Variants in TENM3 observed in about 807,000 individuals in gnomAD.
TENM3 encodes teneurin-3.
TENM3 carries 63 observed loss-of-function variants against 255.1 expected under a neutral mutation model. The ratio of observed to expected loss-of-function variants is 0.25; its 90% CI spans 0.20 to 0.30. The LOEUF (loss-of-function observed/expected upper bound fraction) is 0.30. TENM3 is among the 10% of genes least tolerant of loss of function. The pLI is 1.00. For synonymous variants in TENM3, 1,306 were observed against 1,322.3 expected, an observed-to-expected ratio of 0.99 and a Z score of 0.27; for missense variants, 2,929 against 3,461.1, an observed-to-expected ratio of 0.85 and a Z score of 3.86.
chr4:182,597,008 C>CT (rs879474139), intron 3 of TENM3, among the ~76,000 whole-genome samples: 5 of 152,182 alleles, frequency 3.3e-5, no homozygotes, highest in Non-Finnish European at 7.3e-5. Context: ...TCCTTAAACA[C>CT]TTTTATAGTC....
At chr4:182,427,198 T>G (rs1771287729) in intron 3 of TENM3, among the ~76,000 whole-genome samples, 1 of 152,154 alleles carries the variant, frequency 6.6e-6, no homozygotes, top group Non-Finnish European at 1.5e-5. Flanking sequence ...AAATCTGTGT[T>G]GTTACTTTTG....
At chr4:182,100,788 T>C in the TENM3 span, among the ~76,000 whole-genome samples, 7 of 2,148 alleles carry the variant, frequency 3.3e-3, 1 homozygote, top group Non-Finnish European at 0.014. Flanking sequence ...TATATACACA[T>C]ATATATACAC....
In TENM3 at chr4:182,673,035, A is replaced by G. The variant is rs1755351479; in HGVS notation, c.1142A>G (p.Asn381Ser). The change falls in exon 7 of 28, where the codon AAC becomes AGC. Residue 381 changes from asparagine to serine, a missense_variant. Transcript: ENST00000511685. ...GKLGGFTQENNTIDSGELDIG... is the reference protein window; with the variant it reads ...GKLGGFTQENSTIDSGELDIG... Reference sequence around the variant, plus strand: ...TTAGGTGGATTTACGCAAGAAAATAACACCATAGATTCCGGAGAACTTGAT... The same window carrying G: ...TTAGGTGGATTTACGCAAGAAAATAGCACCATAGATTCCGGAGAACTTGAT... 6.3e-7 allele frequency: 1 copy of G among 1,599,640 alleles called. No homozygotes were observed.
intron 3 of TENM3, among the ~76,000 whole-genome samples, chr4:182,450,565 C>A (rs1200209638): frequency 6.6e-6 from 1 of 152,174 alleles, no homozygotes; most frequent in Non-Finnish European, 1.5e-5. Flanking sequence ...AATTTGAGAT[C>A]CGCTATAAAG....
At chr4:182,562,379 G>A (rs1209569190) in intron 3 of TENM3, among the ~76,000 whole-genome samples, 2 of 152,120 alleles carry the variant, frequency 1.3e-5, no homozygotes, top group Non-Finnish European at 2.9e-5. Flanking sequence ...ATATGTTGAA[G>A]TCCTACCCAC....
In TENM3 at chr4:182,754,930, C is replaced by G. The variant is rs750799581; in HGVS notation, c.4563C>G (p.Leu1521=). 10 of 1,614,046 alleles carry G rather than the reference C, an allele frequency of 6.2e-6. No individual in the cohort carries two copies. The highest frequency in any genetic ancestry group is 6.8e-6 in the Non-Finnish European group (8 of 1,179,894). The change falls in exon 22 of 28, where the codon CTC becomes CTG. Residue 1521 remains leucine, a synonymous_variant. Coordinates refer to ENST00000511685, the MANE Select transcript of TENM3 (RefSeq NM_001080477.4). This position sits in a 1 kb window ranked among gnomAD's most constrained non-coding sequence, Gnocchi z 5.1. ...TTGCGTCTCCAACTGATCAAGAACT[C>G]TACATCTTTGACATCAATGGTACTC... The part of the protein sequence containing the change: ...YEVASPTDQE[L]YIFDINGTHQ...
chr4:182,000,109 G>A, the TENM3 span, among the ~76,000 whole-genome samples: 1 of 151,916 alleles, frequency 6.6e-6, no homozygotes, highest in Admixed American at 6.6e-5. Flanking sequence ...CATATCAACT[G>A]GTTTTATTGT....
intron 4 of TENM3, among the ~76,000 whole-genome samples, chr4:182,603,784 T>TATATATATAG (rs58332965): frequency 3.7e-5 from 5 of 134,162 alleles, no homozygotes; most frequent in Admixed American, 7.6e-5. Flanking sequence ...TATATATATA[T>TATATATATAG]ACACACACAC....
Position 182,412,287 on chromosome 4 carries a change from A to G in TENM3, c.511+65358A>G, listed in dbSNP as rs565545806. 1.6e-4 allele frequency among the ~76,000 whole-genome samples: 25 copies of G among 152,222 alleles called. 1 individual carries two copies. In the South Asian group the frequency reaches 5.0e-3, roughly 30 times the overall value. ...AACGAGAGCTTCAAGGTGCCAATAC[A>G]AGATCTGGTTCTGGGATTGGGGTGC... On this transcript the variant is annotated intron_variant, in intron 3 of 27. Coordinates refer to ENST00000511685, the MANE Select transcript of TENM3 (RefSeq NM_001080477.4).
At chr4:181,994,935 C>G in the TENM3 span, among the ~76,000 whole-genome samples, 2,130 of 152,100 alleles carry the variant, frequency 0.014, 65 homozygotes, top group African/African-American at 0.048. Context: ...TAAAGCAGAG[C>G]GATTACGATT....
At chr4:181,455,226 G>T in the TENM3 span, among the ~76,000 whole-genome samples, 46 of 152,104 alleles carry the variant, frequency 3.0e-4, no homozygotes, top group Non-Finnish European at 5.4e-4. Flanking sequence ...GAGGCAGCCT[G>T]TTAATCTAGA....
intron 3 of TENM3, among the ~76,000 whole-genome samples, chr4:182,374,036 A>G (rs991588943): frequency 1.5e-5 from 2 of 135,098 alleles, no homozygotes; most frequent in Non-Finnish European, 3.1e-5. Flanking sequence ...TGTGTATAGT[A>G]TATATATATA....
chr4:182,328,849 C>A, intron 2 of TENM3, among the ~76,000 whole-genome samples: 1 of 152,100 alleles, frequency 6.6e-6, no homozygotes, highest in Non-Finnish European at 1.5e-5. Context: ...TTGGGGGATC[C>A]CACTGGGGAG....
In TENM3 at chr4:182,273,123, C is replaced by T. The variant is rs1433756678; in HGVS notation, c.-76+29647C>T. On this transcript the variant is annotated intron_variant, in intron 1 of 27. Transcript: ENST00000511685. ...TTAATATCCTCTGGTGGAAACAGACCAATCTTCCAGACATAATCATAACAA... is the reference window on the plus strand; with the variant it reads ...TTAATATCCTCTGGTGGAAACAGACTAATCTTCCAGACATAATCATAACAA... Among the ~76,000 whole-genome samples the T allele has an allele frequency of 2.6e-5, 4 of 152,244 alleles. No homozygotes were observed. In the East Asian group the frequency reaches 7.7e-4, roughly 29 times the overall value.
chr4:181,662,023 C>A, the TENM3 span, among the ~76,000 whole-genome samples: 1 of 152,116 alleles, frequency 6.6e-6, no homozygotes. Flanking sequence ...GTAGTAACAT[C>A]ACTTCTTTTT....
At chr4:182,032,033 A>G in the TENM3 span, among the ~76,000 whole-genome samples, 1 of 152,170 alleles carries the variant, frequency 6.6e-6, no homozygotes, top group South Asian at 2.1e-4. Flanking sequence ...TCCTATCTGA[A>G]CACCCTTTAT....
intron 3 of TENM3, among the ~76,000 whole-genome samples, chr4:182,434,736 C>A (rs1004323066): frequency 2.0e-5 from 3 of 151,870 alleles, no homozygotes; most frequent in Admixed American, 2.0e-4. Context: ...AGATTATTAT[C>A]AGGGTATATT....
At position 182,751,877 on chromosome 4, in the gene TENM3, G is replaced by A. The variant is rs367732296; in HGVS notation, c.3707G>A (p.Arg1236His). 79 of 1,613,626 alleles carry A rather than the reference G, an allele frequency of 4.9e-5. No individual in the cohort carries two copies. In the African/African-American group the frequency reaches 4.9e-4, roughly 10 times the overall value. ...GDLYVSDTNTRRIYRPKSLTG... is the reference protein window; with the variant it reads ...GDLYVSDTNTHRIYRPKSLTG... ...CTGTACGTTTCTGACACAAACACCC[G>A]CAGAATTTATCGCCCAAAGTCACTT... Residue 1236 changes from arginine to histidine, a missense_variant, in exon 20 of 28, where the codon CGC becomes CAC. This residue lies in a region of TENM3 where 1,608 missense variants were observed against 1,884.4 expected (regional missense o/e 0.85). Coordinates refer to ENST00000511685, the MANE Select transcript of TENM3 (RefSeq NM_001080477.4).
chr4:181,938,751 C>A, the TENM3 span, among the ~76,000 whole-genome samples: 1 of 152,140 alleles, frequency 6.6e-6, no homozygotes, highest in Non-Finnish European at 1.5e-5. Context: ...CAATTTGTAA[C>A]TTTATTCAGC....
Sources: gnomAD v4.1 joint callset for allele counts (sites outside exome capture counted in the v4.1 genomes callset) on GRCh38, gnomAD v4.1.1 for gene constraint, gnomAD v4.1.1 regional missense constraint, Gnocchi (gnomAD v3.1) non-coding constraint, MANE v1.5 for transcripts, NCBI Gene and HGNC (gene_info 2026-07-23, HGNC 2026-07-21) for gene names.